The following TBL1XR1 variants were observed in gnomAD, a reference collection of about 807,000 sequenced individuals.
TBL1XR1 encodes F-box-like/WD repeat-containing protein TBL1XR1.
In TBL1XR1, 5 loss-of-function variants were observed where a neutral mutation model predicts 66.9. That is an observed-to-expected ratio of 0.07 (90% confidence interval 0.04 to 0.16). The LOEUF (loss-of-function observed/expected upper bound fraction) is 0.16. TBL1XR1 is among the 10% of genes least tolerant of loss of function. The pLI is 1.00. For missense variants in TBL1XR1, 238 were observed against 623.2 expected (o/e 0.38, Z 6.58); for synonymous variants, 210 against 206.0 (o/e 1.02, Z -0.17).
At chr3:177,052,009 T>C (rs1281248895) in intron 4 of TBL1XR1, among the ~76,000 whole-genome samples, 2 of 152,200 alleles carry the variant, frequency 1.3e-5, no homozygotes, top group Non-Finnish European at 2.9e-5. Context: ...TAGGCCGAGC[T>C]GATAAAAAGG....
At chr3:177,197,765 G>A (rs1219658923), upstream of TBL1XR1, among the ~76,000 whole-genome samples, 1 of 147,244 alleles carries the variant, frequency 6.8e-6, no homozygotes, top group Non-Finnish European at 1.5e-5. Context: ...TGGCGGCACT[G>A]GGGGCTGGGC....
Position 177,104,740 on chromosome 3 carries a change from T to C in TBL1XR1, c.-121-6199A>G, listed in dbSNP as rs572254644. Among the ~76,000 whole-genome samples the C allele has an allele frequency of 9.8e-5, 15 of 152,340 alleles. No homozygotes were observed. The East Asian group carries it at 2.7e-3, about 27-fold the overall frequency. On this transcript the variant is annotated intron_variant, in intron 1 of 15. Coordinates refer to ENST00000457928, the MANE Select transcript of TBL1XR1 (RefSeq NM_024665.7). Reference sequence around the variant, plus strand: ...ACATAAAAAGAAAACAATTTAAACATGCACTGGTGTCTAATCACCTAATTA... The same window carrying C: ...ACATAAAAAGAAAACAATTTAAACACGCACTGGTGTCTAATCACCTAATTA...
In TBL1XR1 at chr3:177,051,513, T is replaced by C. The variant is rs373610491; in HGVS notation, c.418A>G (p.Thr140Ala). The C allele has an allele frequency of 6.2e-7, 1 of 1,611,356 alleles. No individual in the cohort carries two copies. The highest frequency in any genetic ancestry group is 1.3e-5 in the African/African-American group (1 of 74,834). The change falls in exon 5 of 16, where the codon ACT (threonine) becomes GCT (alanine). Residue 140 changes from threonine to alanine, a missense_variant. Transcript: ENST00000457928. ...TCTTGTCTGAGCTCACTTGCTATAG[T>C]ATGTGCTCCATTCTCCTCCCCATTT... is the stretch of plus-strand genomic sequence containing the variant. The part of the protein sequence containing the change: ...TANGEENGAH[T>A]IANNHTDMME...
chr3:177,109,283 G>A (rs986943253), intron 1 of TBL1XR1, among the ~76,000 whole-genome samples: 2 of 152,008 alleles, frequency 1.3e-5, no homozygotes, highest in African/African-American at 4.8e-5. Context: ...CAAAGAACCT[G>A]CACACTAAAT....
intron 2 of TBL1XR1, among the ~76,000 whole-genome samples, chr3:177,081,609 A>G (rs1721398362): frequency 6.6e-6 from 1 of 152,002 alleles, no homozygotes; most frequent in African/African-American, 2.4e-5. Context: ...ATATTAGTGC[A>G]TGCCTGTAGT....
At position 177,019,920 on chromosome 3, in the gene TBL1XR1, C is replaced by T. The variant is rs1187066160; in HGVS notation, c.*5578G>A. On this transcript the variant is annotated 3_prime_UTR_variant, in exon 16 of 16. Transcript: ENST00000457928. Reference sequence around the variant, plus strand: ...ATTTCTAATAAAACATAAAACTATGCTTGAATTTATTTCTGTTTAAGGAAA... The same window carrying T: ...ATTTCTAATAAAACATAAAACTATGTTTGAATTTATTTCTGTTTAAGGAAA... The T allele has an allele frequency of 1.3e-5, 2 of 149,934 alleles. No homozygotes were observed. The highest frequency in any genetic ancestry group is 3.0e-5 in the Non-Finnish European group (2 of 67,660). 9.3% of individuals were successfully genotyped at this position (149,934 alleles called of 1,614,324 possible). A position where few individuals can be genotyped will look rare whatever the true frequency, so the allele number is the denominator to read the frequency against.
At chr3:177,042,321 T>C (rs1188694923) in intron 10 of TBL1XR1, among the ~76,000 whole-genome samples, 4 of 152,152 alleles carry the variant, frequency 2.6e-5, no homozygotes, top group East Asian at 1.9e-4. Flanking sequence ...GCCAAATATA[T>C]GTCAGGATGT....
At chr3:177,026,344 CCT>C (rs1236691233) in intron 15 of TBL1XR1, 27 bp downstream of exon 15, 1 of 1,569,014 alleles carries the variant, frequency 6.4e-7, no homozygotes. Context: ...CCACCCACAC[CCT>C]CTTTGGAAAC....
intron 10 of TBL1XR1, among the ~76,000 whole-genome samples, chr3:177,042,857 A>G (rs1715780300): frequency 1.3e-5 from 2 of 152,114 alleles, no homozygotes; most frequent in African/African-American, 4.8e-5. Context: ...TAATTTTAAA[A>G]GAGAAGGAAT....
At position 177,167,929 on chromosome 3, in the gene TBL1XR1, AAAAAACAAC is replaced by A. The variant is rs778010099; in HGVS notation, c.-122+29183_-122+29191del. ...CAACAAGAGCGAAACACTGTTTCAAAAAAAACAACAAAAAAAATAAGTATCTTAAAAAAG... is the reference window on the plus strand; with the variant it reads ...CAACAAGAGCGAAACACTGTTTCAAAAAAAAAAATAAGTATCTTAAAAAAG... On this transcript the variant is annotated intron_variant, in intron 1 of 15. Transcript: ENST00000457928. Among the ~76,000 whole-genome samples, 5,991 of 152,242 alleles carry A rather than the reference AAAAAACAAC, an allele frequency of 0.039. 746 individuals carry two copies. In the East Asian group the frequency reaches 0.49, roughly 12 times the overall value.
At chr3:177,091,963 AT>A (rs1488662111) in intron 2 of TBL1XR1, among the ~76,000 whole-genome samples, 1 of 152,232 alleles carries the variant, frequency 6.6e-6, no homozygotes, top group Non-Finnish European at 1.5e-5. Flanking sequence ...TCTAGGAATG[AT>A]CATCAATGTC....
At chr3:177,091,161 A>G (rs909620261) in intron 2 of TBL1XR1, 4 of 152,158 alleles carry the variant, frequency 2.6e-5, no homozygotes, top group Admixed American at 2.6e-4. Context: ...TTTAAAACGT[A>G]ATACTTAGCT....
At chr3:177,043,127 G>A (rs751299444) in intron 10 of TBL1XR1, among the ~76,000 whole-genome samples, 5 of 152,080 alleles carry the variant, frequency 3.3e-5, no homozygotes. Flanking sequence ...TTCTAATACT[G>A]ATTTCTAATT....
chr3:177,193,096 T>C (rs1036971424), intron 1 of TBL1XR1, among the ~76,000 whole-genome samples: 1 of 151,658 alleles, frequency 6.6e-6, no homozygotes, highest in Non-Finnish European at 1.5e-5. Flanking sequence ...GAGGTTGCAG[T>C]GAGCCGAGAT....
At chr3:177,192,679 A>G (rs988710305) in intron 1 of TBL1XR1, among the ~76,000 whole-genome samples, 1 of 152,248 alleles carries the variant, frequency 6.6e-6, no homozygotes, top group Non-Finnish European at 1.5e-5. Context: ...ACTAAAATAA[A>G]TAACAAGCAA....
intron 2 of TBL1XR1, among the ~76,000 whole-genome samples, chr3:177,096,352 A>ACACACACACACACACACT (rs1267056134): frequency 1.3e-5 from 2 of 151,894 alleles, no homozygotes; most frequent in Non-Finnish European, 2.9e-5. Flanking sequence ...ACACACACAC[A>ACACACACACACACACACT]CTTAAATTTC....
At chr3:177,052,115 T>C (rs1305171257) in intron 4 of TBL1XR1, among the ~76,000 whole-genome samples, 1 of 152,252 alleles carries the variant, frequency 6.6e-6, no homozygotes, top group Non-Finnish European at 1.5e-5. Context: ...CCCATTATAG[T>C]AAATACATCT....
intron 1 of TBL1XR1, among the ~76,000 whole-genome samples, chr3:177,142,698 C>T (rs1337975028): frequency 6.6e-6 from 1 of 151,810 alleles, no homozygotes; most frequent in Non-Finnish European, 1.5e-5. Flanking sequence ...ATTTAAGAAG[C>T]AAGTGAAATA....
intron 1 of TBL1XR1, among the ~76,000 whole-genome samples, chr3:177,171,656 T>A (rs563174721): frequency 8.2e-6 from 1 of 122,240 alleles, no homozygotes; most frequent in Non-Finnish European, 1.6e-5. Flanking sequence ...TAAGCCAAGA[T>A]CGCCCCACTG....
Sources: allele counts gnomAD v4.1 joint callset (sites outside exome capture counted in the v4.1 genomes callset), GRCh38; gene constraint gnomAD v4.1.1; transcripts MANE v1.5; gene names NCBI Gene and HGNC (gene_info 2026-07-23, HGNC 2026-07-21).